Variants in PCSK5 observed in about 807,000 individuals in gnomAD.
PCSK5 encodes prohormone convertase 5.
PCSK5 carries 129 observed loss-of-function variants against 233.2 expected under a neutral mutation model. The ratio of observed to expected loss-of-function variants is 0.55; its 90% CI spans 0.48 to 0.64. The LOEUF is 0.64. Ranked by LOEUF, PCSK5 falls within the 30% of genes least tolerant of loss-of-function variation. The pLI is 0.00. For missense variants in PCSK5, 2,076 were observed against 2,430.1 expected, an observed-to-expected ratio of 0.85 and a Z score of 3.06; for synonymous variants, 825 against 879.2, an observed-to-expected ratio of 0.94 and a Z score of 1.09.
At chr9:76,283,457 G>T (rs1827944018) in intron 24 of PCSK5, among the ~76,000 whole-genome samples, 2 of 152,282 alleles carry the variant, frequency 1.3e-5, no homozygotes, top group South Asian at 4.1e-4. Context: ...GCATTTTTTA[G>T]CAATAAAGTA....
chr9:76,329,758 G>A (rs527883900), intron 33 of PCSK5, among the ~76,000 whole-genome samples: 4 of 152,020 alleles, frequency 2.6e-5, no homozygotes, highest in South Asian at 2.1e-4. Context: ...GCTTGAACCC[G>A]GGAGACAGAG....
At chr9:76,341,067 AT>A (rs1829822432) in intron 35 of PCSK5, among the ~76,000 whole-genome samples, 1 of 150,550 alleles carries the variant, frequency 6.6e-6, no homozygotes, top group African/African-American at 2.5e-5. Flanking sequence ...AAAAAAAAAA[AT>A]ACAAAAATTA....
chr9:75,988,015 C>G (rs1050826628), intron 3 of PCSK5, among the ~76,000 whole-genome samples: 1 of 152,180 alleles, frequency 6.6e-6, no homozygotes, highest in Non-Finnish European at 1.5e-5. Flanking sequence ...TAGCAGGAGC[C>G]ATGACCAGGG....
chr9:76,158,536 G>T (rs1442999314), intron 11 of PCSK5, among the ~76,000 whole-genome samples: 1 of 152,174 alleles, frequency 6.6e-6, no homozygotes, highest in African/African-American at 2.4e-5. Context: ...AGCAAGGGAT[G>T]TGAACCCCCT....
At chr9:76,093,550 C>T (rs768687873) in intron 7 of PCSK5, among the ~76,000 whole-genome samples, 6 of 151,296 alleles carry the variant, frequency 4.0e-5, no homozygotes, top group Non-Finnish European at 8.8e-5. Context: ...TATTCATGGG[C>T]ACACTGTCAT....
At chr9:76,064,557 G>A (rs905162604) in intron 5 of PCSK5, among the ~76,000 whole-genome samples, 2 of 149,984 alleles carry the variant, frequency 1.3e-5, no homozygotes, top group Admixed American at 6.6e-5. Context: ...GGGCGGAGAC[G>A]CTCCTCACTT....
chr9:76,058,340 C>A (rs6560492), intron 5 of PCSK5, among the ~76,000 whole-genome samples: 16,069 of 152,120 alleles, frequency 0.11, 2,301 homozygotes, highest in African/African-American at 0.33. Flanking sequence ...TCTGCGTAAA[C>A]CAGAACCCCT....
chr9:76,159,816 CTTTTTTTT>C (rs386415165), intron 12 of PCSK5, among the ~76,000 whole-genome samples: 26 of 97,592 alleles, frequency 2.7e-4, no homozygotes, highest in African/African-American at 1.0e-3. Context: ...CTCTTCAGTC[CTTTTTTTT>C]TTTTTTTTTT....
In PCSK5 at chr9:76,059,939, A is replaced by G. The variant is rs142823399; in HGVS notation, c.633-8016A>G. Among the ~76,000 whole-genome samples, 55 of 152,348 alleles carry G rather than the reference A, an allele frequency of 3.6e-4. 2 individuals carry two copies. In the East Asian group the frequency reaches 0.01, roughly 29 times the overall value. ...GACACTTTTGAAGTGGGCTTACTCT[A>G]GAACTCTGTACCCAGTGCAATCATT... On this transcript the variant is annotated intron_variant, in intron 5 of 37. Coordinates refer to ENST00000674117, the MANE Select transcript of PCSK5 (RefSeq NM_001372043.1).
chr9:76,043,085 G>T (rs928221977), intron 5 of PCSK5, among the ~76,000 whole-genome samples: 17 of 152,144 alleles, frequency 1.1e-4, no homozygotes, highest in African/African-American at 4.1e-4. Flanking sequence ...CGTCGCTCAC[G>T]CCTGTAATCC....
At chr9:76,250,458 G>A (rs1367294348) in intron 24 of PCSK5, among the ~76,000 whole-genome samples, 1 of 152,094 alleles carries the variant, frequency 6.6e-6, no homozygotes, top group African/African-American at 2.4e-5. Context: ...ACATCACCAG[G>A]GATAAATCAT....
intron 8 of PCSK5, 146 bp downstream of exon 8, chr9:76,096,248 G>C: frequency 1.6e-6 from 1 of 624,696 alleles, no homozygotes. Context: ...AATTAGATTC[G>C]CTGATAATAG....
intron 36 of PCSK5, among the ~76,000 whole-genome samples, chr9:76,351,618 AAGAGAAAGAAAGAG>A (rs1830165737): frequency 6.7e-6 from 1 of 148,628 alleles, no homozygotes; most frequent in South Asian, 2.2e-4. Flanking sequence ...AAGAAAAAGA[AAGAGAAAGAAAGAG>A]AGAGAAAGAA....
chr9:76,201,584 C>T (rs7041394), intron 20 of PCSK5, among the ~76,000 whole-genome samples: 2,292 of 152,268 alleles, frequency 0.015, 68 homozygotes, highest in African/African-American at 0.052. Flanking sequence ...TATATTTTAG[C>T]TGGTGCTGTC....
intron 8 of PCSK5, among the ~76,000 whole-genome samples, chr9:76,106,892 C>T (rs1043621547): frequency 6.6e-6 from 1 of 152,136 alleles, no homozygotes; most frequent in Non-Finnish European, 1.5e-5. Context: ...AATGTTGAGG[C>T]AAGGAAAGAA....
intron 1 of PCSK5, among the ~76,000 whole-genome samples, chr9:75,923,016 C>T (rs562855702): frequency 9.9e-5 from 15 of 152,060 alleles, no homozygotes; most frequent in South Asian, 8.3e-4. Flanking sequence ...TTAGTGAGGG[C>T]GAGGAGGTGA....
intron 20 of PCSK5, among the ~76,000 whole-genome samples, chr9:76,223,886 T>A (rs939912636): frequency 9.9e-5 from 15 of 152,234 alleles, no homozygotes; most frequent in African/African-American, 3.6e-4. Flanking sequence ...CTTCTCTGTG[T>A]CCTTGGAATC....
At chr9:75,908,929 A>G (rs13301228) in intron 1 of PCSK5, among the ~76,000 whole-genome samples, 132 of 101,878 alleles carry the variant, frequency 1.3e-3, no homozygotes, top group African/African-American at 3.3e-3. Flanking sequence ...CTATCTCTCT[A>G]TCTCTCTCTC....
chr9:76,254,577 T>C (rs564582771), intron 24 of PCSK5, among the ~76,000 whole-genome samples: 2 of 152,338 alleles, frequency 1.3e-5, no homozygotes, highest in South Asian at 2.1e-4. Context: ...CAATGCCTTA[T>C]AGTCAATAGG....
Sources: allele counts gnomAD v4.1 joint callset (sites outside exome capture counted in the v4.1 genomes callset), GRCh38; gene constraint gnomAD v4.1.1; transcripts MANE v1.5; gene names NCBI Gene and HGNC (gene_info 2026-07-23, HGNC 2026-07-21).